Variants in CFAP54 observed in about 807,000 individuals in gnomAD.
CFAP54 encodes the protein cilia and flagella associated protein 54, also known as cilia- and flagella-associated protein 54.
A neutral mutation model predicts 370.4 loss-of-function variants in CFAP54; 290 were observed. That is an observed-to-expected ratio of 0.78 (90% CI 0.71 to 0.86). The LOEUF (loss-of-function observed/expected upper bound fraction) is 0.86. Among genes scored for constraint, CFAP54 ranks in the 40% least tolerant of loss-of-function variants. The probability of loss-of-function intolerance (pLI) is 0.00; values close to 1 mark genes in which losing one functional copy is unlikely to be tolerated. For synonymous variants in CFAP54, 1,206 were observed against 1,236.5 expected, an observed-to-expected ratio of 0.98 and a Z score of 0.52; for missense variants, 3,399 against 3,528.7, an observed-to-expected ratio of 0.96 and a Z score of 0.93.
At chr12:96,779,494 G>C (rs1214107057) in intron 60 of CFAP54, among the ~76,000 whole-genome samples, 3 of 151,882 alleles carry the variant, frequency 2.0e-5, no homozygotes, top group Non-Finnish European at 4.4e-5. Context: ...ACAGATGTAT[G>C]CATTTTTATA....
At chr12:96,596,931 A>G (rs1222204279) in intron 25 of CFAP54, among the ~76,000 whole-genome samples, 1 of 152,074 alleles carries the variant, frequency 6.6e-6, no homozygotes, top group African/African-American at 2.4e-5. Flanking sequence ...CTCAAATTCT[A>G]AATACTCATA....
chr12:96,696,764 G>T lies in CFAP54; in HGVS notation c.6351+2956G>T, dbSNP rs533824492. Among the ~76,000 whole-genome samples the T allele has an allele frequency of 1.1e-3, 175 of 152,240 alleles. 2 individuals carry two copies. The highest frequency in any genetic ancestry group is 3.9e-3 in the African/African-American group (162 of 41,540). ...GATTGAAAAACCAGACTAGGGTTTTGACAGAAGCAGTGAAAGAGGACAAAT... is the reference window on the plus strand; with the variant it reads ...GATTGAAAAACCAGACTAGGGTTTTTACAGAAGCAGTGAAAGAGGACAAAT... On this transcript the variant is annotated intron_variant, in intron 45 of 67. Coordinates refer to ENST00000524981, the MANE Select transcript of CFAP54 (RefSeq NM_001306084.2).
At chr12:96,817,943 T>A (rs1182848454) in intron 65 of CFAP54, 30 bp downstream of exon 65, 4 of 1,387,914 alleles carry the variant, frequency 2.9e-6, no homozygotes, top group Non-Finnish European at 3.8e-6. Context: ...AAAATGACAT[T>A]GCTATAGATT....
In CFAP54 at chr12:96,621,183, G is replaced by C. The variant is rs112920727; in HGVS notation, c.3640-407G>C. ...TGCTCCTTAAGACATCATGAGGTCGGTAGTTATGCCATTTCCTATAGAAAG... is the reference window on the plus strand; with the variant it reads ...TGCTCCTTAAGACATCATGAGGTCGCTAGTTATGCCATTTCCTATAGAAAG... On this transcript the variant is annotated intron_variant, in intron 26 of 67. Transcript: ENST00000524981. 6.6e-5 allele frequency among the ~76,000 whole-genome samples: 10 copies of C among 152,312 alleles called. No homozygotes were observed. The South Asian group carries it at 2.1e-3, about 32-fold the overall frequency.
intron 66 of CFAP54, among the ~76,000 whole-genome samples, chr12:96,832,521 C>T (rs887202090): frequency 8.6e-5 from 13 of 151,800 alleles, no homozygotes. Flanking sequence ...AATATATTTT[C>T]AGTATTTGTC....
Position 96,564,738 on chromosome 12 carries a change from T to G in CFAP54, c.2592T>G (p.Thr864=), listed in dbSNP as rs1212160883. Residue 864 remains threonine (T), a synonymous_variant, in exon 19 of 68, where the codon ACT becomes ACG. Coordinates refer to ENST00000524981, the MANE Select transcript of CFAP54 (RefSeq NM_001306084.2). ...TTTTAATATTCGAGAAAGATGCAAC[T>G]TCTACATCTTCATGGGAACTTTTGA... The part of the protein sequence containing the change: ...KALLIFEKDA[T]STSSWELLME... 1 of 623,988 alleles carries G rather than the reference T, an allele frequency of 1.6e-6. No individual in the cohort carries two copies. The highest frequency in any genetic ancestry group is 3.0e-5 in the Admixed American group (1 of 33,442). 38.7% of individuals were successfully genotyped at this position (623,988 alleles called of 1,614,324 possible). A position where few individuals can be genotyped will look rare whatever the true frequency, so the allele number is the denominator to read the frequency against.
chr12:96,735,435 G>T lies in CFAP54; in HGVS notation c.6966-4521G>T, dbSNP rs1338459569. Among the ~76,000 whole-genome samples, 5 of 152,142 alleles carry T rather than the reference G, an allele frequency of 3.3e-5. No individual in the cohort carries two copies. In the East Asian group the frequency reaches 9.6e-4, roughly 29 times the overall value. ...ACCTCGGCAGATACCCTAACACTGT[G>T]CAGAGGCTTAAGGAACTACTCCAGC... On this transcript the variant is annotated intron_variant, in intron 50 of 67. Coordinates refer to ENST00000524981, the MANE Select transcript of CFAP54 (RefSeq NM_001306084.2).
chr12:96,633,408 G>C (rs554071831), intron 32 of CFAP54, among the ~76,000 whole-genome samples: 21 of 152,284 alleles, frequency 1.4e-4, no homozygotes, highest in Non-Finnish European at 1.5e-5. Context: ...TCACAACCAG[G>C]AAATTGACAT....
chr12:96,791,746 T>C (rs1187157647), intron 62 of CFAP54, among the ~76,000 whole-genome samples: 1 of 152,188 alleles, frequency 6.6e-6, no homozygotes, highest in Non-Finnish European at 1.5e-5. Flanking sequence ...ATGTTGAGAC[T>C]GAAATGTTGG....
chr12:96,589,182 T>C (rs1263644118), intron 22 of CFAP54, among the ~76,000 whole-genome samples: 1 of 152,164 alleles, frequency 6.6e-6, no homozygotes, highest in Non-Finnish European at 1.5e-5. Flanking sequence ...CCTTACAGAG[T>C]TTCAAATTTC....
rs1473268537 is a variant in CFAP54, at chr12:96,521,984, A to G, written c.1056+14A>G. 3.9e-6 allele frequency: 6 copies of G among 1,527,408 alleles called. No homozygotes were observed. Among genetic ancestry groups the G allele is most frequent in the Non-Finnish European group, 5.3e-6 (6 of 1,139,984 alleles). 94.6% of individuals were successfully genotyped at this position (1,527,408 alleles called of 1,614,324 possible). On this transcript the variant is annotated intron_variant, in intron 7 of 67. Coordinates refer to ENST00000524981, the MANE Select transcript of CFAP54 (RefSeq NM_001306084.2). ...GCCACAATGAAGGTATAAAAATTTC[A>G]TGAAATAAAAGAAATTTACCACACT...
intron 63 of CFAP54, among the ~76,000 whole-genome samples, chr12:96,807,402 T>C (rs1248206119): frequency 6.6e-6 from 1 of 152,214 alleles, no homozygotes; most frequent in African/African-American, 2.4e-5. Context: ...GATACAAAGA[T>C]GAGGAAGTCA....
chr12:96,607,541 C>T (rs1179322679), intron 26 of CFAP54, among the ~76,000 whole-genome samples: 2 of 151,986 alleles, frequency 1.3e-5, no homozygotes, highest in Admixed American at 6.6e-5. Context: ...ACAGAATTAC[C>T]TAGAGGTGGT....
At chr12:96,664,099 A>G (rs1170921196) in intron 39 of CFAP54, among the ~76,000 whole-genome samples, 167 bp downstream of exon 39, 3 of 152,194 alleles carry the variant, frequency 2.0e-5, no homozygotes, top group African/African-American at 7.2e-5. Context: ...GTTGCTATAA[A>G]TGTTACTTAA....
intron 50 of CFAP54, among the ~76,000 whole-genome samples, chr12:96,728,740 G>A (rs1250024508): frequency 6.6e-6 from 1 of 152,144 alleles, no homozygotes; most frequent in Non-Finnish European, 1.5e-5. Context: ...TCCTTTGGAG[G>A]AGGAGAGGCG....
At chr12:96,604,200 A>G (rs1430462266) in intron 26 of CFAP54, among the ~76,000 whole-genome samples, 2 of 152,096 alleles carry the variant, frequency 1.3e-5, no homozygotes, top group Non-Finnish European at 2.9e-5. Context: ...TTTTCCTTCT[A>G]ATAGGCCCCT....
intron 1 of CFAP54, among the ~76,000 whole-genome samples, chr12:96,497,499 G>A (rs1206956564): frequency 6.6e-6 from 1 of 152,168 alleles, no homozygotes; most frequent in East Asian, 1.9e-4. Context: ...CAACTTGTTA[G>A]GGAAACAGGA....
intron 66 of CFAP54, among the ~76,000 whole-genome samples, chr12:96,854,530 A>G (rs1006049597): frequency 6.6e-6 from 1 of 152,204 alleles, no homozygotes; most frequent in Non-Finnish European, 1.5e-5. Context: ...AATAGTACAA[A>G]AATTGAAAGC....
At chr12:96,610,608 C>A (rs951976397) in intron 26 of CFAP54, among the ~76,000 whole-genome samples, 3 of 152,194 alleles carry the variant, frequency 2.0e-5, no homozygotes, top group African/African-American at 7.2e-5. Context: ...ACCCAGGAAG[C>A]ACAAGGGGTC....
Sources: gnomAD v4.1 joint callset for allele counts (sites outside exome capture counted in the v4.1 genomes callset) on GRCh38, gnomAD v4.1.1 for gene constraint, MANE v1.5 for transcripts, NCBI Gene and HGNC (gene_info 2026-07-23, HGNC 2026-07-21) for gene names.